The following VWC2 variants were observed in gnomAD, a reference collection of about 807,000 sequenced individuals.
VWC2 encodes brorin.
A neutral mutation model predicts 29.8 loss-of-function variants in VWC2; 14 were observed. The observed-to-expected ratio is 0.47, with a 90% CI of 0.31 to 0.74. The LOEUF is 0.74. Among genes scored for constraint, VWC2 ranks in the 30% least tolerant of loss-of-function variants. The probability of loss-of-function intolerance (pLI) is 0.05; values close to 1 mark genes in which losing one functional copy is unlikely to be tolerated. For missense variants in VWC2, 457 were observed against 459.8 expected (o/e 0.99, Z 0.05); for synonymous variants, 213 against 199.0 (o/e 1.07, Z -0.59).
At chr7:49,905,761 T>C (rs1488331382) in intron 3 of VWC2, among the ~76,000 whole-genome samples, 1 of 150,264 alleles carries the variant, frequency 6.7e-6, no homozygotes, top group Non-Finnish European at 1.5e-5. Context: ...CGAGATAGGA[T>C]GTTGGCGCAA....
At position 49,775,752 on chromosome 7, in the gene VWC2, C is replaced by A; in HGVS notation, c.317C>A (p.Ala106Asp). The A allele has an allele frequency of 2.6e-6, 4 of 1,512,844 alleles. No individual in the cohort carries two copies. Among genetic ancestry groups the A allele is most frequent in the Non-Finnish European group, 3.5e-6 (4 of 1,133,420 alleles). 93.7% of individuals were successfully genotyped at this position (1,512,844 alleles called of 1,614,324 possible). Residue 106 changes from alanine (A) to aspartate (D), a missense_variant, in exon 2 of 4, where the codon GCC becomes GAC. By Grantham distance (126) the Ala-to-Asp change is moderately radical (BLOSUM62 -2). Transcript: ENST00000340652. ...AWVSQGGGAK[A>D]GDLQVRPRGD... ...GTCTCCCAGGGCGGGGGCGCCAAGG[C>A]CGGGGATCTGCAGGTCCGGCCCCGC...
rs557639108 is a variant in VWC2 at position 49,849,448 on chromosome 7, G to T, written c.826+46608G>T. ...CAGCTCTGCTGGGAGCAGACTGTCA[G>T]GAAGGGTCCTCGCGGGTCTCTGGAT... On this transcript the variant is annotated intron_variant, in intron 3 of 3. Transcript: ENST00000340652. 1.8e-4 allele frequency among the ~76,000 whole-genome samples: 28 copies of T among 152,334 alleles called. No homozygotes were observed. In the South Asian group the frequency reaches 5.8e-3, roughly 32 times the overall value.
chr7:49,790,708 G>A (rs796165660), intron 2 of VWC2, among the ~76,000 whole-genome samples: 31 of 151,826 alleles, frequency 2.0e-4, no homozygotes, highest in African/African-American at 7.0e-4. Flanking sequence ...TCAGGGGGTC[G>A]GGGACTCAGG....
chr7:49,828,501 C>G (rs185630287), intron 3 of VWC2, among the ~76,000 whole-genome samples: 56 of 152,242 alleles, frequency 3.7e-4, no homozygotes, highest in Admixed American at 9.8e-4. Flanking sequence ...TGTGAGTGTT[C>G]TAGTTGCTAA....
intron 3 of VWC2, among the ~76,000 whole-genome samples, chr7:49,837,611 A>G (rs1455436172): frequency 6.6e-6 from 1 of 152,334 alleles, no homozygotes; most frequent in Admixed American, 6.5e-5. Context: ...CCAGGGAATC[A>G]CTTGCATTTT....
rs183634741 is a variant in VWC2, at chr7:49,777,422, C to T, written c.696+1291C>T. On this transcript the variant is annotated intron_variant, in intron 2 of 3. Transcript: ENST00000340652. ...TAGTGTACAAAGTATGGAAAGAGTG[C>T]TGGAATTTAGAGTCAGGAAACATGG... is the stretch of plus-strand genomic sequence containing the variant. 3.3e-3 allele frequency among the ~76,000 whole-genome samples: 505 copies of T among 151,998 alleles called. 20 individuals are homozygous for T. The highest frequency in any genetic ancestry group is 0.033 in the Admixed American group (497 of 15,260).
At chr7:49,847,110 A>G (rs1167706745) in intron 3 of VWC2, among the ~76,000 whole-genome samples, 4 of 152,082 alleles carry the variant, frequency 2.6e-5, no homozygotes, top group South Asian at 2.1e-4. Flanking sequence ...AGCTGTAGAG[A>G]GGGACTTGTG....
At chr7:49,884,674 C>G (rs1791819545) in intron 3 of VWC2, among the ~76,000 whole-genome samples, 1 of 152,258 alleles carries the variant, frequency 6.6e-6, no homozygotes, top group South Asian at 2.1e-4. Flanking sequence ...GAGAGCAGGA[C>G]CTGCTGCCTG....
chr7:49,824,229 A>G (rs1789338680), intron 3 of VWC2, among the ~76,000 whole-genome samples: 1 of 152,230 alleles, frequency 6.6e-6, no homozygotes, highest in East Asian at 1.9e-4. Context: ...TTGTAATTTT[A>G]GCTCTCAGAT....
intron 3 of VWC2, among the ~76,000 whole-genome samples, chr7:49,866,144 C>T (rs1790881655): frequency 6.6e-6 from 1 of 152,216 alleles, no homozygotes; most frequent in African/African-American, 2.4e-5. Flanking sequence ...AATTCTGCTT[C>T]TAAGCCAAAC....
Position 49,811,204 on chromosome 7 carries a change from G to C in VWC2, c.826+8364G>C, listed in dbSNP as rs144603608. ...TTTAAAAATGGGCAAAGGATTGAAA[G>C]ACAGTTCAGCAAAAGAGACAAACAA... On this transcript the variant is annotated intron_variant, in intron 3 of 3. Transcript: ENST00000340652. Among the ~76,000 whole-genome samples, 378 of 152,280 alleles carry C rather than the reference G, an allele frequency of 2.5e-3. 1 individual carries two copies. The highest frequency in any genetic ancestry group is 3.8e-3 in the Non-Finnish European group (255 of 67,998).
At chr7:49,849,743 C>T (rs762314011) in intron 3 of VWC2, among the ~76,000 whole-genome samples, 11 of 152,206 alleles carry the variant, frequency 7.2e-5, no homozygotes, top group Non-Finnish European at 1.3e-4. Context: ...GGCAACCAGC[C>T]TGTCACTTAT....
chr7:49,774,181 C>A, intron 1 of VWC2, 68 bp downstream of exon 1: 1 of 152,794 alleles, frequency 6.5e-6, no homozygotes, highest in Non-Finnish European at 1.5e-5. Context: ...CGGCCGGACG[C>A]GCTCCAGCTG....
At chr7:49,803,940 A>G (rs1788808565) in intron 3 of VWC2, among the ~76,000 whole-genome samples, 1 of 152,204 alleles carries the variant, frequency 6.6e-6, no homozygotes. Context: ...TTGCTGTTGA[A>G]GGATAGACCT....
At chr7:49,870,857 G>C (rs905219407) in intron 3 of VWC2, among the ~76,000 whole-genome samples, 2 of 152,170 alleles carry the variant, frequency 1.3e-5, no homozygotes, top group Non-Finnish European at 2.9e-5. Flanking sequence ...CCCAGTTCAA[G>C]AAACCATCAA....
At chr7:49,800,848 CAAAA>C (rs1167626390) in intron 2 of VWC2, among the ~76,000 whole-genome samples, 10 of 63,258 alleles carry the variant, frequency 1.6e-4, no homozygotes, top group Admixed American at 2.0e-4. Flanking sequence ...GTTATGGTAG[CAAAA>C]AAAAAAAAAA....
intron 3 of VWC2, among the ~76,000 whole-genome samples, chr7:49,846,146 T>C (rs1187822317): frequency 6.6e-6 from 1 of 152,198 alleles, no homozygotes; most frequent in Non-Finnish European, 1.5e-5. Flanking sequence ...AGCAAGTCAA[T>C]AGAGCCAACC....
chr7:49,864,299 A>G (rs1790790898), intron 3 of VWC2, among the ~76,000 whole-genome samples: 1 of 152,208 alleles, frequency 6.6e-6, no homozygotes, highest in South Asian at 2.1e-4. Flanking sequence ...AACCTCTTGT[A>G]GTCTCTGCAG....
At chr7:49,836,822 T>C (rs1276465804) in intron 3 of VWC2, among the ~76,000 whole-genome samples, 4 of 152,292 alleles carry the variant, frequency 2.6e-5, no homozygotes, top group South Asian at 4.1e-4. Flanking sequence ...TGTAGATATA[T>C]GTAGATTGGT....
Sources: gnomAD v4.1 joint callset for allele counts (sites outside exome capture counted in the v4.1 genomes callset) on GRCh38, gnomAD v4.1.1 for gene constraint, MANE v1.5 for transcripts, NCBI Gene and HGNC (gene_info 2026-07-23, HGNC 2026-07-21) for gene names.